The following PNOC variants were observed in gnomAD, a reference collection of about 807,000 sequenced individuals.
PNOC encodes prepronociceptin.
A neutral mutation model predicts 15.6 loss-of-function variants in PNOC; 10 were observed. The observed-to-expected ratio is 0.64, with a 90% confidence interval of 0.40 to 1.09. The LOEUF (loss-of-function observed/expected upper bound fraction) is 1.09, where lower values mean the gene tolerates loss of function less well. Among genes scored for constraint, PNOC ranks in the 50% least tolerant of loss-of-function variants. The probability of loss-of-function intolerance (pLI) is 0.01; values close to 1 mark genes in which losing one functional copy is unlikely to be tolerated. For missense variants in PNOC, 220 were observed against 223.9 expected (o/e 0.98, Z 0.11); for synonymous variants, 98 against 88.5 (o/e 1.11, Z -0.60).
chr8:28,334,191 C>T (rs1186384315), intron 2 of PNOC, among the ~76,000 whole-genome samples: 1 of 152,164 alleles, frequency 6.6e-6, no homozygotes, highest in Non-Finnish European at 1.5e-5. Context: ...ACTAACTCGA[C>T]AGGATTCTGA....
chr8:28,329,374 A>G lies in PNOC; in HGVS notation c.126+91A>G, dbSNP rs553257660. 275 of 1,453,294 alleles carry G rather than the reference A, an allele frequency of 1.9e-4. 1 individual carries two copies. Among genetic ancestry groups the G allele is most frequent in the East Asian group, 1.3e-3 (59 of 43,810 alleles). 90.0% of individuals were successfully genotyped at this position (1,453,294 alleles called of 1,614,324 possible). A position where few individuals can be genotyped will look rare whatever the true frequency, so the allele number is the denominator to read the frequency against. On this transcript the variant is annotated intron_variant, in intron 2 of 3. Coordinates refer to ENST00000301908, the MANE Select transcript of PNOC (RefSeq NM_006228.5). ...AGAGCAGACTCTGAGTGAGAAGCCA[A>G]GGCCTCTCCCACAGCTCACAGGACT... is the stretch of plus-strand genomic sequence containing the variant.
At chr8:28,328,520 T>TA (rs35909935) in intron 1 of PNOC, among the ~76,000 whole-genome samples, 49,354 of 151,596 alleles carry the variant, frequency 0.33, 9,875 homozygotes, top group Non-Finnish European at 0.46. Context: ...ATTCGGGGTA[T>TA]GGGGGGTTGG....
chr8:28,330,397 T>TTTTTA (rs1801306923), intron 2 of PNOC, among the ~76,000 whole-genome samples: 7 of 80,802 alleles, frequency 8.7e-5, no homozygotes, highest in African/African-American at 2.9e-4. Context: ...TTTTATTTTA[T>TTTTTA]TTTTTTTTTT....
chr8:28,338,849 A>G, intron 2 of PNOC, 191 bp from the exon 3 acceptor site: 1 of 1,064,750 alleles, frequency 9.4e-7, no homozygotes, highest in East Asian at 2.8e-5. Context: ...GCTGGGTCAG[A>G]TGATTCTCTG....
chr8:28,338,853 TTC>T, intron 2 of PNOC, 185 bp from the exon 3 acceptor site: 1 of 1,058,726 alleles, frequency 9.4e-7, no homozygotes, highest in Non-Finnish European at 1.3e-6. Flanking sequence ...GGTCAGATGA[TTC>T]TCTGTTTGTT....
intron 1 of PNOC, 24 bp downstream of exon 1, chr8:28,317,340 A>G (rs1287417472): frequency 6.6e-6 from 1 of 152,312 alleles, no homozygotes; most frequent in Non-Finnish European, 1.5e-5. Context: ...CGGGGCCCCC[A>G]GCCCGACCGC....
intron 1 of PNOC, among the ~76,000 whole-genome samples, chr8:28,323,846 C>T (rs772974889): frequency 9.9e-5 from 15 of 152,192 alleles, no homozygotes; most frequent in South Asian, 2.1e-4. Context: ...GTCTCTATAA[C>T]GATATTTACA....
intron 1 of PNOC, among the ~76,000 whole-genome samples, chr8:28,322,556 A>G (rs1801167795): frequency 6.6e-6 from 1 of 152,200 alleles, no homozygotes; most frequent in South Asian, 2.1e-4. Flanking sequence ...TCAGCTCCTC[A>G]AGCCTCAATC....
In PNOC at chr8:28,339,081, C is replaced by A; in HGVS notation, c.168C>A (p.Pro56=). The change falls in exon 3 of 4, where the codon CCC becomes CCA. Residue 56 remains proline (P), a synonymous_variant. Coordinates refer to ENST00000301908, the MANE Select transcript of PNOC (RefSeq NM_006228.5). The part of the protein sequence containing the change: ...LECEEKVFPS[P]LWTPCTKVMA... ...GTGAAGAGAAGGTCTTCCCCAGCCC[C>A]CTCTGGACTCCATGCACCAAGGTCA... is the stretch of plus-strand genomic sequence containing the variant. The A allele has an allele frequency of 6.2e-7, 1 of 1,600,556 alleles. No individual in the cohort carries two copies. The highest frequency in any genetic ancestry group is 2.3e-5 in the East Asian group (1 of 44,424).
chr8:28,323,090 A>C (rs758943416), intron 1 of PNOC, among the ~76,000 whole-genome samples: 7 of 152,262 alleles, frequency 4.6e-5, no homozygotes, highest in Non-Finnish European at 8.8e-5. Flanking sequence ...AAACTCAATT[A>C]GGGTCCAGCT....
chr8:28,332,634 G>A (rs1801345891), intron 2 of PNOC, among the ~76,000 whole-genome samples: 1 of 152,202 alleles, frequency 6.6e-6, no homozygotes, highest in Admixed American at 6.5e-5. Context: ...CCAAGAAAGA[G>A]TGTGGGGAAA....
At chr8:28,320,625 C>T (rs541990710) in intron 1 of PNOC, among the ~76,000 whole-genome samples, 9 of 152,068 alleles carry the variant, frequency 5.9e-5, no homozygotes, top group African/African-American at 1.9e-4. Flanking sequence ...CCGAGGTGGG[C>T]AGATCACAAG....
intron 1 of PNOC, among the ~76,000 whole-genome samples, chr8:28,319,748 C>T (rs1380015624): frequency 6.6e-6 from 1 of 152,152 alleles, no homozygotes; most frequent in Admixed American, 6.5e-5. Flanking sequence ...TTTGAAATAT[C>T]TTGCATTCCG....
intron 2 of PNOC, among the ~76,000 whole-genome samples, chr8:28,331,517 T>C (rs1427719453): frequency 6.6e-6 from 1 of 152,178 alleles, no homozygotes; most frequent in African/African-American, 2.4e-5. Context: ...CCAGGCCTTC[T>C]GCTCCTCCCA....
chr8:28,339,244 C>G lies in PNOC; in HGVS notation c.331C>G (p.Pro111Ala). 1 of 1,610,142 alleles carries G rather than the reference C, an allele frequency of 6.2e-7. No homozygotes were observed. Among genetic ancestry groups the G allele is most frequent in the Non-Finnish European group, 8.5e-7 (1 of 1,176,660 alleles). ...VRSLFQEQEEPEPGMEEAGEM... is the reference protein window; with the variant it reads ...VRSLFQEQEEAEPGMEEAGEM... ...GAGCTTGTTCCAGGAGCAGGAAGAG[C>G]CCGAGCCTGGCATGGAGGAGGCTGG... The change falls in exon 3 of 4, where the codon CCC (proline) becomes GCC (alanine). Residue 111 changes from proline (P) to alanine (A), a missense_variant. Pro to Ala is a conservative substitution (Grantham distance 27, BLOSUM62 -1). Transcript: ENST00000301908.
intron 2 of PNOC, among the ~76,000 whole-genome samples, chr8:28,332,874 C>A (rs966897298): frequency 5.9e-5 from 9 of 152,166 alleles, no homozygotes; most frequent in African/African-American, 2.2e-4. Flanking sequence ...TCACTTAAAC[C>A]CAAAAGGCAG....
intron 2 of PNOC, among the ~76,000 whole-genome samples, chr8:28,332,157 G>A (rs1009097045): frequency 6.6e-6 from 1 of 152,174 alleles, no homozygotes; most frequent in Non-Finnish European, 1.5e-5. Flanking sequence ...CACAGTGCTC[G>A]CTAACCCCCC....
rs140317976 is a variant in PNOC at position 28,329,848 on chromosome 8, A to T, written c.126+565A>T. Among the ~76,000 whole-genome samples the T allele has an allele frequency of 7.8e-3, 1,191 of 152,318 alleles. 23 individuals are homozygous for T. Among genetic ancestry groups the T allele is most frequent in the African/African-American group, 0.027 (1,123 of 41,568 alleles). On this transcript the variant is annotated intron_variant, in intron 2 of 3. Transcript: ENST00000301908. ...AGCAATACAGCATAACAACTACTTA[A>T]ATAGCATTTACATTATATTAAGTAT...
intron 1 of PNOC, among the ~76,000 whole-genome samples, chr8:28,321,971 G>A (rs946991948): frequency 6.6e-5 from 10 of 152,178 alleles, no homozygotes; most frequent in African/African-American, 1.7e-4. Context: ...TCCATTGTAG[G>A]AGTCTTATCT....
Sources: gnomAD v4.1 joint callset for allele counts (sites outside exome capture counted in the v4.1 genomes callset) on GRCh38, gnomAD v4.1.1 for gene constraint, MANE v1.5 for transcripts, NCBI Gene and HGNC (gene_info 2026-07-23, HGNC 2026-07-21) for gene names.